The following PPP1R21 variants were observed in gnomAD, a reference collection of about 807,000 sequenced individuals.
PPP1R21 encodes the protein KLRAQ motif containing 1.
A neutral mutation model predicts 112.8 loss-of-function variants in PPP1R21; 85 were observed. That is an observed-to-expected ratio of 0.75 (90% CI 0.63 to 0.90). The LOEUF (loss-of-function observed/expected upper bound fraction) is 0.90. Among genes scored for constraint, PPP1R21 ranks in the 40% least tolerant of loss-of-function variants. PPP1R21 has a pLI of 0.00. For synonymous variants in PPP1R21, 381 were observed against 322.3 expected (o/e 1.18, Z -1.95); for missense variants, 1,199 against 901.5 (o/e 1.33, Z -4.23).
At position 48,507,264 on chromosome 2, in the gene PPP1R21, T is replaced by C. The variant is rs1670424558; in HGVS notation, c.1969-5T>C. On this transcript the variant is annotated splice_region_variant and splice_polypyrimidine_tract_variant and intron_variant, in intron 18 of 21. Coordinates refer to ENST00000294952, the MANE Select transcript of PPP1R21 (RefSeq NM_001135629.3). ...TTTATTTATGTGTATTTGTGTTCTA[T>C]TTAGGTTCCAGATGTGGAATCTCGT... is the stretch of plus-strand genomic sequence containing the variant. 1 of 1,545,248 alleles carries C rather than the reference T, an allele frequency of 6.5e-7. No individual in the cohort carries two copies. The highest frequency in any genetic ancestry group is 8.7e-7 in the Non-Finnish European group (1 of 1,155,418).
chr2:48,478,470 G>GT (rs1668854966), intron 12 of PPP1R21, among the ~76,000 whole-genome samples: 1 of 152,212 alleles, frequency 6.6e-6, no homozygotes, highest in South Asian at 2.1e-4. Flanking sequence ...GATGACGATG[G>GT]TGGCAGGGCT....
At chr2:48,448,869 C>T (rs1667362503) in intron 1 of PPP1R21, among the ~76,000 whole-genome samples, 1 of 152,186 alleles carries the variant, frequency 6.6e-6, no homozygotes, top group African/African-American at 2.4e-5. Context: ...TCTGTTGCAA[C>T]TGCTCGTCTC....
chr2:48,514,347 A>G (rs928885644), intron 21 of PPP1R21, among the ~76,000 whole-genome samples: 2 of 152,080 alleles, frequency 1.3e-5, no homozygotes, highest in Non-Finnish European at 1.5e-5. Flanking sequence ...CGGCCTCCCA[A>G]AGTGCTGGGG....
intron 4 of PPP1R21, 54 bp downstream of exon 4, chr2:48,458,281 A>G: frequency 4.2e-6 from 5 of 1,189,138 alleles, no homozygotes; most frequent in East Asian, 2.4e-5. Flanking sequence ...TGATCTGTTA[A>G]TGTGGAAAAG....
rs1667894289 is a variant in PPP1R21, at chr2:48,459,781, C to T, written c.403C>T (p.His135Tyr). Residue 135 changes from histidine to tyrosine, a missense_variant, in exon 5 of 22, where the codon CAT (histidine) becomes TAT (tyrosine). His to Tyr is a moderately conservative substitution (Grantham distance 83, BLOSUM62 2). Transcript: ENST00000294952. ...TTTTGAAGCTGATGAGCAGCACAAG[C>T]ATGTGGAAGCAGAGCTGAGGAGTCG... The part of the protein sequence containing the change: ...QFFEADEQHK[H>Y]VEAELRSRLA... 1 of 1,613,772 alleles carries T rather than the reference C, an allele frequency of 6.2e-7. No individual in the cohort carries two copies. The highest frequency in any genetic ancestry group is 1.7e-5 in the Admixed American group (1 of 59,994).
At position 48,497,432 on chromosome 2, in the gene PPP1R21, C is replaced by G. The variant is rs149391126; in HGVS notation, c.1693-1061C>G. 7.9e-5 allele frequency among the ~76,000 whole-genome samples: 12 copies of G among 152,252 alleles called. No homozygotes were observed. In the East Asian group the frequency reaches 1.2e-3, roughly 15 times the overall value. ...TTTCCAGTTACTGCTCTCCTCTCCC[C>G]CAAAGGTAACCATTCTCCTGCCTTC... On this transcript the variant is annotated intron_variant, in intron 16 of 21. Transcript: ENST00000294952.
At chr2:48,473,214 G>C (rs1267178864) in intron 11 of PPP1R21, among the ~76,000 whole-genome samples, 1 of 151,928 alleles carries the variant, frequency 6.6e-6, no homozygotes, top group African/African-American at 2.4e-5. Flanking sequence ...AGGAAATACT[G>C]GGAATCAGAT....
intron 14 of PPP1R21, among the ~76,000 whole-genome samples, chr2:48,487,648 C>G (rs1238458481): frequency 6.6e-6 from 1 of 151,358 alleles, no homozygotes; most frequent in Non-Finnish European, 1.5e-5. Flanking sequence ...GTGGTCCCAG[C>G]TACTTGGGTG....
intron 13 of PPP1R21, among the ~76,000 whole-genome samples, chr2:48,480,556 G>C (rs1314551260): frequency 2.0e-5 from 3 of 152,182 alleles, no homozygotes; most frequent in Non-Finnish European, 4.4e-5. Flanking sequence ...AATGTAGTCT[G>C]CTGAAAGGCC....
chr2:48,504,315 C>T (rs1670271294), intron 17 of PPP1R21, among the ~76,000 whole-genome samples: 1 of 152,126 alleles, frequency 6.6e-6, no homozygotes, highest in African/African-American at 2.4e-5. Context: ...GTGTTCAGAA[C>T]AATACTCCAG....
chr2:48,480,619 C>G (rs1248758027), intron 13 of PPP1R21, among the ~76,000 whole-genome samples: 1 of 152,156 alleles, frequency 6.6e-6, no homozygotes, highest in Admixed American at 6.5e-5. Context: ...TGAGTCCTGA[C>G]TAATCTACAA....
Position 48,459,830 on chromosome 2 carries a change from C to G in PPP1R21, c.452C>G (p.Ala151Gly). The G allele has an allele frequency of 1.9e-6, 3 of 1,614,182 alleles. No individual in the cohort carries two copies. Among genetic ancestry groups the G allele is most frequent in the East Asian group, 4.5e-5 (2 of 44,892 alleles). The change falls in exon 5 of 22, where the codon GCA (alanine) becomes GGA (glycine). Residue 151 changes from alanine to glycine, a missense_variant. Coordinates refer to ENST00000294952, the MANE Select transcript of PPP1R21 (RefSeq NM_001135629.3). ...CGACTGGCCACTCTGGAGACAGAAG[C>G]AGCCCAGCACCAAGCTGTGGTTGAC... ...RSRLATLETE[A>G]AQHQAVVDGL...
chr2:48,453,195 C>G (rs1437946475), intron 2 of PPP1R21, among the ~76,000 whole-genome samples: 1 of 152,162 alleles, frequency 6.6e-6, no homozygotes, highest in Non-Finnish European at 1.5e-5. Context: ...CTCGAGTGAT[C>G]CGCCCTCTTT....
At chr2:48,465,030 A>T (rs752873346) in intron 8 of PPP1R21, 41 bp downstream of exon 8, 16 of 1,468,882 alleles carry the variant, frequency 1.1e-5, no homozygotes, top group Admixed American at 4.8e-5. Context: ...AGTTATATAT[A>T]CATCAGACTT....
Position 48,464,981 on chromosome 2 carries a change from A to G in PPP1R21, c.739A>G (p.Arg247Gly), listed in dbSNP as rs1668137212. ...NALNVPLHNR[R>G]HQLKMRDIAG... ...TCTGAACGTTCCACTCCACAATAGG[A>G]GACACCAGGTAAAGGATGAAGTACA... The change falls in exon 8 of 22, where the codon AGA becomes GGA. Residue 247 changes from arginine to glycine, a missense_variant. By Grantham distance (125) the Arg-to-Gly change is moderately radical. Transcript: ENST00000294952. The G allele has an allele frequency of 1.3e-6, 2 of 1,558,212 alleles. No homozygotes were observed. The highest frequency in any genetic ancestry group is 8.6e-7 in the Non-Finnish European group (1 of 1,162,498).
chr2:48,471,324 T>C lies in PPP1R21; in HGVS notation c.1045T>C (p.Tyr349His). 6.2e-7 allele frequency: 1 copy of C among 1,610,640 alleles called. No homozygotes were observed. Among genetic ancestry groups the C allele is most frequent in the Non-Finnish European group, 8.5e-7 (1 of 1,179,020 alleles). ...AACTTTTTCAGAACACTTAACCTCC[T>C]ACATATGTTTTCTTAGGAAGATTCT... ...LKTFSEHLTS[Y>H]ICFLRKILPY... The change falls in exon 11 of 22, where the codon TAC becomes CAC. Residue 349 changes from tyrosine (Y) to histidine (H), a missense_variant. Transcript: ENST00000294952.
chr2:48,468,399 C>A (rs1196014843), intron 9 of PPP1R21, among the ~76,000 whole-genome samples: 2 of 152,060 alleles, frequency 1.3e-5, no homozygotes, highest in Non-Finnish European at 2.9e-5. Context: ...AAACATTGGG[C>A]CTTTGAAATG....
chr2:48,468,857 G>GTGTGTGTA (rs1474911893), intron 9 of PPP1R21, among the ~76,000 whole-genome samples: 1 of 147,814 alleles, frequency 6.8e-6, no homozygotes, highest in South Asian at 2.1e-4. Context: ...GTGTGTGTGT[G>GTGTGTGTA]TATGTATATA....
At chr2:48,441,345 C>T in intron 1 of PPP1R21, 1 of 389,656 alleles carries the variant, frequency 2.6e-6, no homozygotes, top group South Asian at 2.7e-5. Context: ...AGGTGTGGAC[C>T]ACTCCTCACC....
Sources: allele counts gnomAD v4.1 joint callset (sites outside exome capture counted in the v4.1 genomes callset), GRCh38; gene constraint gnomAD v4.1.1; transcripts MANE v1.5; gene names NCBI Gene and HGNC (gene_info 2026-07-23, HGNC 2026-07-21).